STAG1: variants seen among roughly 807,000 people sequenced by gnomAD.
STAG1 encodes STAG1 cohesin complex component.
STAG1 carries 26 observed loss-of-function variants against 170.9 expected under a neutral mutation model. That is an observed-to-expected ratio of 0.15 (90% CI 0.11 to 0.21). The LOEUF is 0.21. Among genes scored for constraint, STAG1 ranks in the 10% least tolerant of loss-of-function variants. The probability of loss-of-function intolerance (pLI) is 1.00; values close to 1 mark genes in which losing one functional copy is unlikely to be tolerated. For synonymous variants in STAG1, 514 were observed against 497.7 expected (o/e 1.03, Z -0.44); for missense variants, 964 against 1,509.5 (o/e 0.64, Z 5.99).
chr3:136,693,781 C>G (rs1288531538), intron 1 of STAG1, among the ~76,000 whole-genome samples: 1 of 151,640 alleles, frequency 6.6e-6, no homozygotes, highest in Non-Finnish European at 1.5e-5. Flanking sequence ...TGTTGCCAGG[C>G]TGGTATCAAA....
At chr3:136,528,867 T>A (rs1463530907) in intron 6 of STAG1, among the ~76,000 whole-genome samples, 1 of 151,316 alleles carries the variant, frequency 6.6e-6, no homozygotes, top group African/African-American at 2.4e-5. Context: ...GAGGCAGAGG[T>A]TGCAGTGAGC....
At chr3:136,492,141 A>G (rs1299316358) in intron 9 of STAG1, among the ~76,000 whole-genome samples, 3 of 152,218 alleles carry the variant, frequency 2.0e-5, no homozygotes, top group African/African-American at 7.2e-5. Context: ...ATTAATCAAT[A>G]ATGTAGACTG....
chr3:136,749,120 T>C (rs904422353), intron 1 of STAG1, among the ~76,000 whole-genome samples: 4 of 152,214 alleles, frequency 2.6e-5, no homozygotes, highest in Admixed American at 1.3e-4. Flanking sequence ...GACCTGTAGA[T>C]ATAACGGGAT....
At chr3:136,701,648 A>G (rs1943065852) in intron 1 of STAG1, among the ~76,000 whole-genome samples, 3 of 152,192 alleles carry the variant, frequency 2.0e-5, no homozygotes, top group Admixed American at 2.0e-4. Flanking sequence ...AAAAATCAAG[A>G]TAACACCTAT....
At chr3:136,425,688 G>A (rs1324905079) in intron 16 of STAG1, among the ~76,000 whole-genome samples, 1 of 150,570 alleles carries the variant, frequency 6.6e-6, no homozygotes, top group African/African-American at 2.4e-5. Context: ...ACGTGTATGT[G>A]TGTGTATGTA....
At chr3:136,359,736 T>A (rs1407105883) in intron 26 of STAG1, among the ~76,000 whole-genome samples, 1 of 152,174 alleles carries the variant, frequency 6.6e-6, no homozygotes, top group Non-Finnish European at 1.5e-5. Flanking sequence ...CTCAAACTCC[T>A]GTCCTCAAGT....
At chr3:136,406,415 A>G (rs2087485510) in intron 21 of STAG1, among the ~76,000 whole-genome samples, 1 of 152,198 alleles carries the variant, frequency 6.6e-6, no homozygotes, top group Non-Finnish European at 1.5e-5. Context: ...GCATATGACT[A>G]TAAAAGGATA....
chr3:136,678,850 C>CAAAAAAAAAAAAAAAAAAAAAAAAAAAAA (rs559610524), intron 1 of STAG1, among the ~76,000 whole-genome samples: 1 of 35,422 alleles, frequency 2.8e-5, no homozygotes, highest in African/African-American at 1.0e-4. Flanking sequence ...CCCATGCTCA[C>CAAAAAAAAAAAAAAAAAAAAAAAAAAAAA]AAAAAAAAAA....
Position 136,749,936 on chromosome 3 carries a change from AC to A in STAG1, c.-84+2258del, listed in dbSNP as rs534814060. 7.1e-3 allele frequency among the ~76,000 whole-genome samples: 1,081 copies of A among 151,286 alleles called. 15 individuals carry two copies. Among genetic ancestry groups the A allele is most frequent in the African/African-American group, 0.024 (969 of 41,222 alleles). On this transcript the variant is annotated intron_variant, in intron 1 of 33. Coordinates refer to ENST00000383202, the MANE Select transcript of STAG1 (RefSeq NM_005862.3). ...AAAAAAAAAAGAAAGAAACTAATATACCCCCCTAAATAAAGATATAAAGATA... is the reference window on the plus strand; with the variant it reads ...AAAAAAAAAAGAAAGAAACTAATATACCCCCTAAATAAAGATATAAAGATA...
chr3:136,651,094 G>A (rs1393040233), intron 1 of STAG1, among the ~76,000 whole-genome samples: 1 of 152,118 alleles, frequency 6.6e-6, no homozygotes, highest in African/African-American at 2.4e-5. Context: ...GCTGGGCACT[G>A]TGGCTCACAC....
chr3:136,682,638 A>G (rs890451552), intron 1 of STAG1, among the ~76,000 whole-genome samples: 1 of 152,108 alleles, frequency 6.6e-6, no homozygotes, highest in Admixed American at 6.6e-5. Context: ...CATTTACAAT[A>G]CCATGAAAAG....
chr3:136,666,495 G>C (rs1467610681), intron 1 of STAG1, among the ~76,000 whole-genome samples: 1 of 152,164 alleles, frequency 6.6e-6, no homozygotes, highest in African/African-American at 2.4e-5. Context: ...CAGAGAGTAA[G>C]TAACTTGCTA....
chr3:136,717,914 G>C (rs952935413), intron 1 of STAG1, among the ~76,000 whole-genome samples: 4 of 152,122 alleles, frequency 2.6e-5, no homozygotes, highest in African/African-American at 9.7e-5. Flanking sequence ...TTATTCTCAT[G>C]TAAATGGACC....
chr3:136,723,691 T>C (rs145172807), intron 1 of STAG1, among the ~76,000 whole-genome samples: 33,028 of 135,402 alleles, frequency 0.24, 4,165 homozygotes, highest in African/African-American at 0.29. Context: ...AGCCACCCCG[T>C]CTGGGAGGTG....
chr3:136,544,150 CTAGTACCTATCA>C (rs1222024926), intron 5 of STAG1, among the ~76,000 whole-genome samples: 2 of 152,118 alleles, frequency 1.3e-5, no homozygotes, highest in Non-Finnish European at 2.9e-5. Flanking sequence ...TTCAAAATGC[CTAGTACCTATCA>C]TAGGGGTAAG....
intron 4 of STAG1, among the ~76,000 whole-genome samples, chr3:136,588,406 T>C (rs1041254852): frequency 2.6e-5 from 4 of 152,182 alleles, no homozygotes; most frequent in Admixed American, 2.6e-4. Context: ...GTTGGCTCGA[T>C]CTCGGCTCAC....
chr3:136,701,935 A>T lies in STAG1; in HGVS notation c.-84+50260T>A, dbSNP rs897659974. 2.9e-4 allele frequency among the ~76,000 whole-genome samples: 44 copies of T among 152,104 alleles called. 1 individual carries two copies. Among genetic ancestry groups the T allele is most frequent in the African/African-American group, 1.0e-3 (43 of 41,436 alleles). On this transcript the variant is annotated intron_variant, in intron 1 of 33. Coordinates refer to ENST00000383202, the MANE Select transcript of STAG1 (RefSeq NM_005862.3). ...AAGATAAATTAGATTTTAACTGCTA[A>T]GTCAAACTTAATAGGTATTCTTTTA...
chr3:136,673,942 A>C (rs1348478609), intron 1 of STAG1, among the ~76,000 whole-genome samples: 2 of 151,882 alleles, frequency 1.3e-5, no homozygotes, highest in East Asian at 3.9e-4. Context: ...GTCTCTACTA[A>C]AAATACAACA....
At chr3:136,541,134 G>T (rs1019088981) in intron 6 of STAG1, among the ~76,000 whole-genome samples, 5 of 152,044 alleles carry the variant, frequency 3.3e-5, no homozygotes, top group African/African-American at 1.2e-4. Context: ...TAACATATGT[G>T]TTTGTATGAC....
Sources: allele counts gnomAD v4.1 joint callset (sites outside exome capture counted in the v4.1 genomes callset), GRCh38; gene constraint gnomAD v4.1.1; transcripts MANE v1.5; gene names NCBI Gene and HGNC (gene_info 2026-07-23, HGNC 2026-07-21).